PKN2: variants seen among roughly 807,000 people sequenced by gnomAD.
PKN2 encodes the protein protein kinase N2, also known as serine/threonine-protein kinase N2.
PKN2 carries 38 observed loss-of-function variants against 119.1 expected under a neutral mutation model. The observed-to-expected ratio is 0.32, with a 90% CI of 0.25 to 0.42. The LOEUF (loss-of-function observed/expected upper bound fraction) is 0.42, where lower values mean the gene tolerates loss of function less well. PKN2 is among the 10% of genes least tolerant of loss of function. The pLI is 1.00. For synonymous variants in PKN2, 390 were observed against 384.9 expected, an observed-to-expected ratio of 1.01 and a Z score of -0.15; for missense variants, 850 against 1,165.1, an observed-to-expected ratio of 0.73 and a Z score of 3.94.
chr1:88,754,209 G>A (rs182190126), intron 2 of PKN2, among the ~76,000 whole-genome samples: 253 of 151,984 alleles, frequency 1.7e-3, no homozygotes, highest in Non-Finnish European at 3.0e-3. Context: ...CCGAAACACC[G>A]TAAGATATAT....
At chr1:88,779,650 T>G (rs1164187930) in intron 6 of PKN2, among the ~76,000 whole-genome samples, 1 of 152,210 alleles carries the variant, frequency 6.6e-6, no homozygotes, top group Non-Finnish European at 1.5e-5. Context: ...TTCTTATAAA[T>G]ATTAATGCCA....
intron 6 of PKN2, among the ~76,000 whole-genome samples, chr1:88,778,240 G>C (rs1306595283): frequency 1.3e-5 from 2 of 152,184 alleles, no homozygotes; most frequent in African/African-American, 4.8e-5. Context: ...CTTAATCTTG[G>C]CAAAATAAAC....
chr1:88,832,423 G>A (rs1672766685), intron 19 of PKN2, among the ~76,000 whole-genome samples: 1 of 151,860 alleles, frequency 6.6e-6, no homozygotes, highest in South Asian at 2.1e-4. Context: ...GAAATAAAAT[G>A]GAATGGAGTG....
intron 1 of PKN2, among the ~76,000 whole-genome samples, chr1:88,694,809 TC>T (rs1195648964): frequency 6.6e-6 from 1 of 152,188 alleles, no homozygotes; most frequent in Non-Finnish European, 1.5e-5. Context: ...AATAAGTGTA[TC>T]ATGGTATCTC....
chr1:88,772,569 T>C (rs1006699583), intron 6 of PKN2, among the ~76,000 whole-genome samples: 1 of 152,222 alleles, frequency 6.6e-6, no homozygotes, highest in African/African-American at 2.4e-5. Flanking sequence ...CTATATTTGA[T>C]TGACCTATTT....
Position 88,834,472 on chromosome 1 carries a change from TTCA to T in PKN2, c.*1028_*1030del, listed in dbSNP as rs1672862598. 1 of 152,460 alleles carries T rather than the reference TTCA, an allele frequency of 6.6e-6. No individual in the cohort carries two copies. Among genetic ancestry groups the T allele is most frequent in the African/African-American group, 2.4e-5 (1 of 41,418 alleles). 9.4% of individuals were successfully genotyped at this position (152,460 alleles called of 1,614,324 possible). On this transcript the variant is annotated 3_prime_UTR_variant, in exon 22 of 22. Transcript: ENST00000370521. Reference sequence around the variant, plus strand: ...TAGGCTTATTATTTAATTTTACCACTTCATCACTTTTGTACAGTGGCCAAGCAG... The same window carrying T: ...TAGGCTTATTATTTAATTTTACCACTTCACTTTTGTACAGTGGCCAAGCAG...
At chr1:88,735,787 A>AT (rs1429631757) in intron 1 of PKN2, among the ~76,000 whole-genome samples, 1 of 151,910 alleles carries the variant, frequency 6.6e-6, no homozygotes. Flanking sequence ...TGAGAATTTG[A>AT]TTATGGTATT....
intron 6 of PKN2, among the ~76,000 whole-genome samples, chr1:88,773,690 A>G (rs1358272273): frequency 6.6e-6 from 1 of 152,110 alleles, no homozygotes; most frequent in Non-Finnish European, 1.5e-5. Context: ...GAGGCAGGAG[A>G]ATTGCATGAG....
At chr1:88,736,111 G>A (rs1278884584) in intron 1 of PKN2, among the ~76,000 whole-genome samples, 2 of 152,030 alleles carry the variant, frequency 1.3e-5, no homozygotes, top group East Asian at 3.9e-4. Context: ...AGATTCTGCT[G>A]TTGATATTCT....
intron 1 of PKN2, among the ~76,000 whole-genome samples, chr1:88,686,640 AG>A (rs1470156792): frequency 6.6e-6 from 1 of 152,128 alleles, no homozygotes; most frequent in Non-Finnish European, 1.5e-5. Flanking sequence ...TTTTGATAAA[AG>A]TTATTGCATT....
In PKN2 at chr1:88,823,037, A is replaced by G. The variant is rs148718143; in HGVS notation, c.2342+1034A>G. ...AGTTTGAGACCCGCCTGGGCAACAT[A>G]GTGATATTCTGTCTCTACAAAAAAA... On this transcript the variant is annotated intron_variant, in intron 17 of 21. Coordinates refer to ENST00000370521, the MANE Select transcript of PKN2 (RefSeq NM_006256.4). 1.4e-4 allele frequency among the ~76,000 whole-genome samples: 22 copies of G among 152,176 alleles called. No individual in the cohort carries two copies. In the East Asian group the frequency reaches 4.3e-3, roughly 30 times the overall value.
At chr1:88,707,028 A>G (rs1288168252) in intron 1 of PKN2, among the ~76,000 whole-genome samples, 2 of 151,618 alleles carry the variant, frequency 1.3e-5, no homozygotes, top group Non-Finnish European at 2.9e-5. Flanking sequence ...GTTTTGTTTC[A>G]GCTGGGAGGG....
At chr1:88,790,084 C>T (rs998582161) in intron 8 of PKN2, among the ~76,000 whole-genome samples, 6 of 152,194 alleles carry the variant, frequency 3.9e-5, no homozygotes, top group Non-Finnish European at 5.9e-5. Flanking sequence ...GTCCGCATTT[C>T]TTCCCCATTA....
At chr1:88,790,684 G>A (rs1284730789) in intron 8 of PKN2, among the ~76,000 whole-genome samples, 2 of 152,064 alleles carry the variant, frequency 1.3e-5, no homozygotes, top group Non-Finnish European at 2.9e-5. Context: ...GGTGGATATT[G>A]TGTGGCACTT....
intron 1 of PKN2, among the ~76,000 whole-genome samples, chr1:88,719,908 T>C (rs937020610): frequency 1.3e-5 from 2 of 152,210 alleles, no homozygotes; most frequent in African/African-American, 4.8e-5. Flanking sequence ...AATTTAATCA[T>C]TTTAATAATT....
chr1:88,770,363 C>G lies in PKN2; in HGVS notation c.516C>G (p.Leu172=). Residue 172 remains leucine, a synonymous_variant, in exon 4 of 22, where the codon CTC becomes CTG. Transcript: ENST00000370521. ...YSNGSSKDRK[L]HGTAQQLLQD... is the part of the protein sequence containing the mutation. ...TATTTTTTTAATAGGATCGGAAACT[C>G]CATGGTACAGCTCAGCAACTGCTCC... 6.2e-7 allele frequency: 1 copy of G among 1,606,376 alleles called. No individual in the cohort carries two copies. Among genetic ancestry groups the G allele is most frequent in the African/African-American group, 1.3e-5 (1 of 74,806 alleles).
chr1:88,684,895 C>T (rs900974918), intron 1 of PKN2: 14 of 390,580 alleles, frequency 3.6e-5, no homozygotes, highest in African/African-American at 2.7e-4. Context: ...AGCCCTGCTG[C>T]AGCGGGAGCC....
intron 21 of PKN2, 22 bp from the exon 22 acceptor site, chr1:88,833,223 C>T (rs753678608): frequency 6.2e-7 from 1 of 1,610,896 alleles, no homozygotes; most frequent in Non-Finnish European, 8.5e-7. Context: ...CTAAACTAGT[C>T]ATTTTTTATT....
At chr1:88,785,498 G>A (rs1176267454) in intron 7 of PKN2, among the ~76,000 whole-genome samples, 5 of 152,134 alleles carry the variant, frequency 3.3e-5, no homozygotes, top group African/African-American at 7.2e-5. Context: ...TGATCCAGAC[G>A]TGTTTACTGA....
Sources: allele counts gnomAD v4.1 joint callset (sites outside exome capture counted in the v4.1 genomes callset), GRCh38; gene constraint gnomAD v4.1.1; transcripts MANE v1.5; gene names NCBI Gene and HGNC (gene_info 2026-07-23, HGNC 2026-07-21).